The following BBS2 variants were observed in gnomAD, a reference collection of about 807,000 sequenced individuals.
The protein encoded by BBS2 is BBSome complex member BBS2.
BBS2 carries 62 observed loss-of-function variants against 83.0 expected under a neutral mutation model. The observed-to-expected ratio is 0.75, with a 90% CI of 0.61 to 0.92. BBS2 has a LOEUF of 0.92. BBS2 is among the 40% of genes least tolerant of loss of function. The probability of loss-of-function intolerance (pLI) is 0.00; values close to 1 mark genes in which losing one functional copy is unlikely to be tolerated. For synonymous variants in BBS2, 303 were observed against 326.1 expected (o/e 0.93, Z 0.76); for missense variants, 784 against 901.0 (o/e 0.87, Z 1.66).
chr16:56,475,474 C>T (rs775230945), intron 17 of BBS2: 6 of 1,604,544 alleles, frequency 3.7e-6, no homozygotes, highest in Non-Finnish European at 2.6e-6. Context: ...TCAATAGGAG[C>T]TTTCTGAATG....
intron 2 of BBS2, among the ~76,000 whole-genome samples, chr16:56,512,123 C>T (rs1457795266): frequency 6.6e-6 from 1 of 152,082 alleles, no homozygotes; most frequent in African/African-American, 2.4e-5. Flanking sequence ...CAGGGAAATG[C>T]AAAATGAAAC....
rs1018263925 is a variant in BBS2 at position 56,501,183 on chromosome 16, G to A, written c.1226-158C>T. 2.3e-5 allele frequency: 28 copies of A among 1,242,252 alleles called. No homozygotes were observed. The highest frequency in any genetic ancestry group is 1.2e-4 in the African/African-American group (8 of 67,288). The allele number at this position is 1,242,252 out of a possible 1,614,324, so 77.0% of individuals were successfully genotyped here. A position where few individuals can be genotyped will look rare whatever the true frequency, so the allele number is the denominator to read the frequency against. On this transcript the variant is annotated intron_variant, in intron 10 of 16. Transcript: ENST00000245157. ...AAATTAGCTGGGCGTGGTGGTGGGC[G>A]CCTGTAGTCCCAGCTACTTGGGAGG...
At chr16:56,485,759 T>C in intron 15 of BBS2, 21 bp from the exon 16 acceptor site, 2 of 1,613,140 alleles carry the variant, frequency 1.2e-6, no homozygotes, top group Non-Finnish European at 1.7e-6. Context: ...CAGTAGAAAT[T>C]TGACATCATT....
chr16:56,507,158 T>C (rs1654507544), intron 5 of BBS2, among the ~76,000 whole-genome samples: 1 of 152,178 alleles, frequency 6.6e-6, no homozygotes, highest in Non-Finnish European at 1.5e-5. Context: ...TGAATCATGA[T>C]TTTGCTGATC....
rs770249850 is a variant in BBS2, at chr16:56,514,443, T to G, written c.345+10A>C. Reference sequence around the variant, plus strand: ...AATGACAATTTTATGGTTATAAAGGTTATACTTGCCTCTCTGTAGAACAAA... The same window carrying G: ...AATGACAATTTTATGGTTATAAAGGGTATACTTGCCTCTCTGTAGAACAAA... On this transcript the variant is annotated intron_variant, in intron 2 of 16. Transcript: ENST00000245157. The G allele has an allele frequency of 6.2e-7, 1 of 1,610,028 alleles. No homozygotes were observed. The highest frequency in any genetic ancestry group is 1.1e-5 in the South Asian group (1 of 90,950).
downstream of BBS2, among the ~76,000 whole-genome samples, chr16:56,480,543 C>T (rs1386160779): frequency 6.6e-6 from 1 of 151,988 alleles, no homozygotes; most frequent in Non-Finnish European, 1.5e-5. Context: ...AGGTGCCTAA[C>T]ACCACACTGG....
chr16:56,510,514 C>T (rs1964546018), intron 4 of BBS2, among the ~76,000 whole-genome samples: 1 of 152,156 alleles, frequency 6.6e-6, no homozygotes. Flanking sequence ...TTCCTCAAAA[C>T]AGTTGGCCAA....
intron 17 of BBS2, chr16:56,478,385 A>AT (rs1345645050): frequency 3.9e-5 from 6 of 152,186 alleles, no homozygotes; most frequent in African/African-American, 1.4e-4. Flanking sequence ...GGAGACCACA[A>AT]TTTTTTAACC....
chr16:56,484,967 G>C, intron 16 of BBS2, 100 bp from the exon 17 acceptor site: 1 of 869,612 alleles, frequency 1.1e-6, no homozygotes, highest in Non-Finnish European at 1.9e-6. Flanking sequence ...AGGGAAAAGA[G>C]TTATACTTGA....
intron 1 of BBS2, among the ~76,000 whole-genome samples, chr16:56,518,473 T>C (rs1964814083): frequency 6.6e-6 from 1 of 152,216 alleles, no homozygotes; most frequent in Non-Finnish European, 1.5e-5. Flanking sequence ...CCACTTCCTA[T>C]ATGTCAAGCA....
At chr16:56,492,811 A>G (rs1369451455) in intron 15 of BBS2, among the ~76,000 whole-genome samples, 1 of 152,218 alleles carries the variant, frequency 6.6e-6, no homozygotes, top group African/African-American at 2.4e-5. Context: ...CCTATGGAGA[A>G]TTTGACAAGA....
chr16:56,473,088 G>A (rs1276620023), intron 17 of BBS2, among the ~76,000 whole-genome samples: 4 of 152,048 alleles, frequency 2.6e-5, no homozygotes, highest in African/African-American at 9.7e-5. Context: ...ATGCCACCAC[G>A]CCCGGCTAAC....
rs546861270 is a variant in BBS2, at chr16:56,494,941, G to A, written c.1910+2026C>T. Reference sequence around the variant, plus strand: ...TGCACCACTGCACTCCAGCCTGGGCGACAGAGCGAGACTCCGTCTCGAAAA... The same window carrying A: ...TGCACCACTGCACTCCAGCCTGGGCAACAGAGCGAGACTCCGTCTCGAAAA... On this transcript the variant is annotated intron_variant, in intron 15 of 16. Coordinates refer to ENST00000245157, the MANE Select transcript of BBS2 (RefSeq NM_031885.5). Among the ~76,000 whole-genome samples the A allele has an allele frequency of 5.6e-3, 806 of 144,658 alleles. 4 individuals are homozygous for A. The highest frequency in any genetic ancestry group is 0.014 in the African/African-American group (553 of 38,724). The allele number at this position is 144,658 out of a possible 152,430, so 94.9% of individuals were successfully genotyped here. A position where few individuals can be genotyped will look rare whatever the true frequency, so the allele number is the denominator to read the frequency against.
chr16:56,476,288 A>C (rs1241707270), intron 17 of BBS2: 1 of 1,304,010 alleles, frequency 7.7e-7, no homozygotes, highest in Non-Finnish European at 1.1e-6. Context: ...AGTCAAGGAG[A>C]ACTACATGGT....
chr16:56,506,287 G>A (rs1455236739), intron 5 of BBS2, 63 bp from the exon 6 acceptor site: 18 of 1,251,360 alleles, frequency 1.4e-5, no homozygotes, highest in East Asian at 7.2e-5. Context: ...TGTCAAGTAC[G>A]GCTTTATAAG....
chr16:56,484,304 C>A, downstream of BBS2: 1 of 177,658 alleles, frequency 5.6e-6, no homozygotes, highest in Non-Finnish European at 1.2e-5. Context: ...GTGCCCAGCC[C>A]ACATTTTTGT....
chr16:56,497,171 C>A (rs1964138232), intron 14 of BBS2, 92 bp from the exon 15 acceptor site: 5 of 865,172 alleles, frequency 5.8e-6, no homozygotes, highest in Non-Finnish European at 1.0e-5. Flanking sequence ...GATACAGAGA[C>A]CCCCTTCTTT....
intron 6 of BBS2, 32 bp downstream of exon 6, chr16:56,506,088 C>A (rs201479895): frequency 2.5e-6 from 4 of 1,607,460 alleles, no homozygotes; most frequent in Non-Finnish European, 3.4e-6. Context: ...AACTATCAAG[C>A]GCCTGAATAT....
At chr16:56,483,465 T>C (rs1282216765), downstream of BBS2, among the ~76,000 whole-genome samples, 1 of 152,142 alleles carries the variant, frequency 6.6e-6, no homozygotes, top group Non-Finnish European at 1.5e-5. Flanking sequence ...GTAGAAAAGT[T>C]TGTCCTAGGG....
Sources: allele counts gnomAD v4.1 joint callset (sites outside exome capture counted in the v4.1 genomes callset), GRCh38; gene constraint gnomAD v4.1.1; transcripts MANE v1.5; gene names NCBI Gene and HGNC (gene_info 2026-07-23, HGNC 2026-07-21).